The following CFAP46 variants were observed in gnomAD, a reference collection of about 807,000 sequenced individuals.
CFAP46 encodes the protein cilia- and flagella-associated protein 46.
CFAP46 carries 245 observed loss-of-function variants against 325.7 expected under a neutral mutation model. The ratio of observed to expected loss-of-function variants is 0.75; its 90% confidence interval spans 0.68 to 0.84. The LOEUF is 0.84. CFAP46 is among the 40% of genes least tolerant of loss of function. The probability of loss-of-function intolerance (pLI) is 0.00; values close to 1 mark genes in which losing one functional copy is unlikely to be tolerated. For synonymous variants in CFAP46, 1,523 were observed against 1,495.9 expected (o/e 1.02, Z -0.42); for missense variants, 3,346 against 3,543.0 (o/e 0.94, Z 1.41).
In CFAP46 at chr10:132,869,053, G is replaced by GC. The variant is rs1848858403; in HGVS notation, c.4610+220dup. Among the ~76,000 whole-genome samples the GC allele has an allele frequency of 6.6e-6, 1 of 152,306 alleles. No individual in the cohort carries two copies. Among genetic ancestry groups the GC allele is most frequent in the South Asian group, 2.1e-4 (1 of 4,820 alleles). ...GGAGGGGCTCGGGCCACCCTGGAGA[G>GC]CCCCCCTCACCGCCCCTCCCTCCCT... On this transcript the variant is annotated intron_variant, in intron 33 of 57. Transcript: ENST00000368586. The surrounding 1 kb of genome is among the most constrained non-coding windows in gnomAD (Gnocchi z 6.2).
chr10:132,903,888 G>A (rs1849422229), intron 22 of CFAP46, among the ~76,000 whole-genome samples: 1 of 152,154 alleles, frequency 6.6e-6, no homozygotes, highest in Admixed American at 6.5e-5. Flanking sequence ...CATTTTGTGT[G>A]TATTTTAATA....
rs568800674 is a variant in CFAP46, at chr10:132,877,216, G to A, written c.4213-255C>T. Among the ~76,000 whole-genome samples the A allele has an allele frequency of 1.3e-5, 2 of 152,300 alleles. No individual in the cohort carries two copies. The highest frequency in any genetic ancestry group is 3.9e-4 in the East Asian group (2 of 5,168). ...CAGGCTCAGGACTCCCGAGAGCTAA[G>A]GCTCTGCAGCCTCTGCCTCCTGCGT... On this transcript the variant is annotated intron_variant, in intron 30 of 57. Coordinates refer to ENST00000368586, the MANE Select transcript of CFAP46 (RefSeq NM_001200049.3). The surrounding 1 kb of genome is among the most constrained non-coding windows in gnomAD (Gnocchi z 5.7).
chr10:132,935,245 T>C (rs570818505), intron 7 of CFAP46, among the ~76,000 whole-genome samples: 2 of 152,120 alleles, frequency 1.3e-5, no homozygotes, highest in East Asian at 1.9e-4. Context: ...TCAGATCTCC[T>C]CACTCCCCTT....
chr10:132,851,352 C>T, intron 39 of CFAP46, 47 bp from the exon 40 acceptor site: 1 of 1,569,130 alleles, frequency 6.4e-7, no homozygotes, highest in Non-Finnish European at 8.7e-7. Context: ...TTCTGGTAAG[C>T]CTGAATCTAC....
intron 51 of CFAP46, 21 bp from the exon 52 acceptor site, chr10:132,814,767 C>T (rs901427928): frequency 1.2e-6 from 2 of 1,613,676 alleles, no homozygotes; most frequent in Non-Finnish European, 1.7e-6. Context: ...AGACCAGGGT[C>T]AGCAGGTGCA....
intron 5 of CFAP46, among the ~76,000 whole-genome samples, chr10:132,938,198 C>T (rs1421172594): frequency 6.6e-6 from 1 of 152,238 alleles, no homozygotes; most frequent in Non-Finnish European, 1.5e-5. Context: ...CCAACTTCCT[C>T]GCAGGGCTGC....
chr10:132,888,024 C>T (rs1386718941), intron 25 of CFAP46, among the ~76,000 whole-genome samples: 1 of 135,648 alleles, frequency 7.4e-6, no homozygotes, highest in Non-Finnish European at 1.6e-5. Context: ...CCTCTTCTCT[C>T]CTCTCCCCTC....
chr10:132,888,108 T>C (rs73393252), intron 25 of CFAP46, among the ~76,000 whole-genome samples: 13,662 of 148,898 alleles, frequency 0.092, 1,755 homozygotes, highest in African/African-American at 0.29. Context: ...ATCCCAGGAA[T>C]AAGCTTCAGT....
chr10:132,887,307 TTC>T (rs1396871309), intron 25 of CFAP46, among the ~76,000 whole-genome samples: 3 of 95,266 alleles, frequency 3.1e-5, no homozygotes, highest in Non-Finnish European at 5.7e-5. Flanking sequence ...CTCTCCCCTC[TTC>T]TCTCCCCTCT....
In CFAP46 at chr10:132,936,961, G is replaced by T. The variant is rs753279737; in HGVS notation, c.755C>A (p.Ala252Glu). The T allele has an allele frequency of 1.2e-5, 18 of 1,515,882 alleles. No individual in the cohort carries two copies. The highest frequency in any genetic ancestry group is 1.9e-5 in the Admixed American group (1 of 54,036). 93.9% of individuals were successfully genotyped at this position (1,515,882 alleles called of 1,614,324 possible). ...SVTFYINMLK[A>E]KAEQNDLPGD... ...TGCTCTCCCTCCCAAAACGACTTAC[G>T]CCTTTAGCATATTAATATAGAAAGT... Residue 252 changes from alanine to glutamate, a missense_variant and splice_region_variant, in exon 7 of 58, where the codon GCA (alanine) becomes GAA (glutamate). Physicochemically the swap from Ala to Glu is moderately radical, Grantham distance 107 (BLOSUM62 -1). Transcript: ENST00000368586.
Position 132,878,017 on chromosome 10 carries a change from A to C in CFAP46, c.4076T>G (p.Leu1359Ter), listed in dbSNP as rs1291322197. The C allele has an allele frequency of 7.1e-6, 11 of 1,544,696 alleles. No homozygotes were observed. Among genetic ancestry groups the C allele is most frequent in the Non-Finnish European group, 7.9e-6 (9 of 1,144,164 alleles). Reference sequence around the variant, plus strand: ...ATTCTCCTTCTCTTTTTTAGGCAATAACAGATGTGAGCTGGTTGCTGCCAG... The same window carrying C: ...ATTCTCCTTCTCTTTTTTAGGCAATCACAGATGTGAGCTGGTTGCTGCCAG... ...RPLAATSSHLLLPKKEKENER... is the reference protein window; with the variant it reads ...RPLAATSSHL The change falls in exon 30 of 58, where the codon TTA becomes TGA. Residue 1359 changes from leucine (L) to a stop codon, truncating the protein, a stop_gained. Transcript: ENST00000368586. LOFTEE classifies it high-confidence loss of function.
chr10:132,850,953 G>T (rs982410807), intron 40 of CFAP46, among the ~76,000 whole-genome samples, 164 bp downstream of exon 40: 15 of 152,184 alleles, frequency 9.9e-5, no homozygotes, highest in Admixed American at 6.5e-5. Context: ...CTCCTCAAAT[G>T]GTGAGACAAT....
Position 132,860,905 on chromosome 10 carries a change from T to G in CFAP46, c.4968A>C (p.Gly1656=). ...AQLANKEKNY[G]QAKKMIAQAQ... Reference sequence around the variant, plus strand: ...CCTGTGCGATCATTTTCTTGGCTTGTCCATAGTTTTTCTCCTTGTTGGCCA... The same window carrying G: ...CCTGTGCGATCATTTTCTTGGCTTGGCCATAGTTTTTCTCCTTGTTGGCCA... Residue 1656 remains glycine, a synonymous_variant, in exon 36 of 58, where the codon GGA becomes GGC. Coordinates refer to ENST00000368586, the MANE Select transcript of CFAP46 (RefSeq NM_001200049.3). 6.4e-7 allele frequency: 1 copy of G among 1,550,746 alleles called. No homozygotes were observed. The highest frequency in any genetic ancestry group is 8.7e-7 in the Non-Finnish European group (1 of 1,147,028).
chr10:132,909,892 A>G (rs1389257196), intron 20 of CFAP46, 27 bp downstream of exon 20: 1 of 1,400,638 alleles, frequency 7.1e-7, no homozygotes. Context: ...CCTCAGTCAG[A>G]GCCCAGATGT....
intron 24 of CFAP46, among the ~76,000 whole-genome samples, chr10:132,894,364 CAG>C (rs1420080927): frequency 6.6e-6 from 1 of 152,142 alleles, no homozygotes; most frequent in East Asian, 1.9e-4. Context: ...GAGCCAATCT[CAG>C]AGGGAGTTCA....
rs1235060614 is a variant in CFAP46 at position 132,938,589 on chromosome 10, A to G, written c.536T>C (p.Leu179Pro). Reference sequence around the variant, plus strand: ...AGAGGGCACGGCGAGCTCAACTCACAGCATCAGCTCAGCACGCCACTCCTT... The same window carrying G: ...AGAGGGCACGGCGAGCTCAACTCACGGCATCAGCTCAGCACGCCACTCCTT... ...EDKEWRAELM[L>P]ELLECYLQAG... The change falls in exon 5 of 58, where the codon CTG (leucine) becomes CCG (proline). Residue 179 changes from leucine to proline, a missense_variant and splice_region_variant. Coordinates refer to ENST00000368586, the MANE Select transcript of CFAP46 (RefSeq NM_001200049.3). 1.2e-6 allele frequency: 2 copies of G among 1,612,496 alleles called. No individual in the cohort carries two copies. The highest frequency in any genetic ancestry group is 4.5e-5 in the East Asian group (2 of 44,820).
At position 132,866,030 on chromosome 10, in the gene CFAP46, A is replaced by G; in HGVS notation, c.4885T>C (p.Phe1629Leu). 7 of 1,506,332 alleles carry G rather than the reference A, an allele frequency of 4.6e-6. No homozygotes were observed. The highest frequency in any genetic ancestry group is 6.2e-6 in the Non-Finnish European group (7 of 1,123,914). The allele number at this position is 1,506,332 out of a possible 1,614,324, so 93.3% of individuals were successfully genotyped here. A position where few individuals can be genotyped will look rare whatever the true frequency, so the allele number is the denominator to read the frequency against. ...GGCTGGGAGGGGCTCCTCACCTGGA[A>G]AGCCAGGTAAGCCTCCGACAGGAGC... ...RLLLSEAYLA[F>L]QELDEPCAEA... The change falls in exon 35 of 58, where the codon TTC becomes CTC. Residue 1629 changes from phenylalanine to leucine, a missense_variant. Physicochemically the swap from Phe to Leu is conservative, Grantham distance 22. Transcript: ENST00000368586.
At chr10:132,858,297 G>GCGGTGGGCGGGGT (rs1848674290) in intron 38 of CFAP46, among the ~76,000 whole-genome samples, 2 of 146,096 alleles carry the variant, frequency 1.4e-5, no homozygotes, top group Non-Finnish European at 3.1e-5. Context: ...CAGGTTGGGG[G>GCGGTGGGCGGGGT]CAGGGAGGTG....
chr10:132,827,278 T>C lies in CFAP46; in HGVS notation c.7117+6080A>G, dbSNP rs1848073300. Among the ~76,000 whole-genome samples, 3 of 152,160 alleles carry C rather than the reference T, an allele frequency of 2.0e-5. No individual in the cohort carries two copies. Among genetic ancestry groups the C allele is most frequent in the East Asian group, 1.9e-4 (1 of 5,132 alleles). ...AGAAGGGGCTGACCGTGGCCTGTGA[T>C]GGACGGGGCACCCAGTGGGCCAGAA... On this transcript the variant is annotated intron_variant, in intron 50 of 57. Coordinates refer to ENST00000368586, the MANE Select transcript of CFAP46 (RefSeq NM_001200049.3). The surrounding 1 kb of genome is among the most constrained non-coding windows in gnomAD (Gnocchi z 5.7).
Sources: gnomAD v4.1 joint callset for allele counts (sites outside exome capture counted in the v4.1 genomes callset) on GRCh38, gnomAD v4.1.1 for gene constraint, Gnocchi (gnomAD v3.1) non-coding constraint, MANE v1.5 for transcripts, NCBI Gene and HGNC (gene_info 2026-07-23, HGNC 2026-07-21) for gene names.